CTNNA2: variants seen among roughly 807,000 people sequenced by gnomAD.
CTNNA2 encodes catenin alpha 2.
CTNNA2 carries 42 observed loss-of-function variants against 101.0 expected under a neutral mutation model. That is an observed-to-expected ratio of 0.42 (90% CI 0.32 to 0.54). The LOEUF (loss-of-function observed/expected upper bound fraction) is 0.54, where lower values mean the gene tolerates loss of function less well. CTNNA2 is among the 20% of genes least tolerant of loss of function. The pLI is 0.14. For missense variants in CTNNA2, 871 were observed against 1,223.1 expected (o/e 0.71, Z 4.29); for synonymous variants, 450 against 456.4 (o/e 0.99, Z 0.18).
At chr2:79,502,478 C>T (rs1671330940) in intron 4 of CTNNA2, among the ~76,000 whole-genome samples, 1 of 152,152 alleles carries the variant, frequency 6.6e-6, no homozygotes, top group Non-Finnish European at 1.5e-5. Flanking sequence ...ACATAACACT[C>T]CCTTCATTCA....
chr2:79,999,084 A>G lies in CTNNA2; in HGVS notation c.1056+89287A>G, dbSNP rs1432886007. 3.3e-5 allele frequency among the ~76,000 whole-genome samples: 5 copies of G among 151,918 alleles called. No homozygotes were observed. The East Asian group carries it at 9.7e-4, about 29-fold the overall frequency. On this transcript the variant is annotated intron_variant, in intron 7 of 18. Coordinates refer to ENST00000402739, the MANE Select transcript of CTNNA2 (RefSeq NM_001282597.3). ...TCTAATTCCATATTAAAAAAAAAAAAGACAAAAACATGAAGGACATCTGAG... is the reference window on the plus strand; with the variant it reads ...TCTAATTCCATATTAAAAAAAAAAAGGACAAAAACATGAAGGACATCTGAG...
chr2:79,760,944 C>CA (rs11404945), intron 3 of CTNNA2, among the ~76,000 whole-genome samples: 63,560 of 151,748 alleles, frequency 0.42, 14,417 homozygotes, highest in East Asian at 0.8. Context: ...TCAGGTTTGC[C>CA]AAAAGCCAAA....
At chr2:79,337,964 G>A (rs1677033171) in intron 3 of CTNNA2, among the ~76,000 whole-genome samples, 1 of 152,018 alleles carries the variant, frequency 6.6e-6, no homozygotes, top group African/African-American at 2.4e-5. Flanking sequence ...TGGTAGTCAG[G>A]GCCGGGCATG....
intron 1 of CTNNA2, among the ~76,000 whole-genome samples, chr2:79,564,967 T>C (rs769786534): frequency 6.6e-5 from 10 of 152,146 alleles, no homozygotes; most frequent in Non-Finnish European, 1.0e-4. Flanking sequence ...CTCAGTGAAA[T>C]AGTAAACTCC....
intron 8 of CTNNA2, among the ~76,000 whole-genome samples, chr2:80,418,715 C>T (rs1428032505): frequency 6.6e-6 from 1 of 152,132 alleles, no homozygotes; most frequent in Non-Finnish European, 1.5e-5. Flanking sequence ...ATCCCATATA[C>T]ATTCAGATAA....
chr2:79,443,604 G>A (rs1678799251), intron 4 of CTNNA2, among the ~76,000 whole-genome samples: 1 of 152,010 alleles, frequency 6.6e-6, no homozygotes, highest in Non-Finnish European at 1.5e-5. Flanking sequence ...ATCACAAGTA[G>A]GAAGAGATAA....
intron 9 of CTNNA2, among the ~76,000 whole-genome samples, chr2:80,539,129 G>T (rs1305931808): frequency 6.6e-6 from 1 of 152,006 alleles, no homozygotes. Flanking sequence ...AGCAATTCTT[G>T]TACCTCAGCC....
At chr2:79,347,345 T>C (rs1243548518) in intron 3 of CTNNA2, among the ~76,000 whole-genome samples, 1 of 152,182 alleles carries the variant, frequency 6.6e-6, no homozygotes, top group African/African-American at 2.4e-5. Flanking sequence ...ACAAGGTGAA[T>C]TACCTTGGGT....
intron 7 of CTNNA2, among the ~76,000 whole-genome samples, chr2:80,370,871 C>T (rs1358635913): frequency 3.9e-5 from 6 of 152,088 alleles, no homozygotes; most frequent in Non-Finnish European, 8.8e-5. Context: ...TTACATGACA[C>T]AAGAGGCTTC....
intron 3 of CTNNA2, among the ~76,000 whole-genome samples, chr2:79,775,692 A>T (rs934789531): frequency 6.6e-6 from 1 of 152,066 alleles, no homozygotes; most frequent in African/African-American, 2.4e-5. Flanking sequence ...ACATTAGGCC[A>T]TTTTTTTATG....
intron 7 of CTNNA2, among the ~76,000 whole-genome samples, chr2:80,056,583 C>G (rs1697228572): frequency 6.6e-6 from 1 of 152,184 alleles, no homozygotes; most frequent in Admixed American, 6.5e-5. Flanking sequence ...GGTTACCATA[C>G]CATAAACCAT....
intron 7 of CTNNA2, among the ~76,000 whole-genome samples, chr2:80,238,940 G>A (rs1356754542): frequency 6.6e-6 from 1 of 152,140 alleles, no homozygotes; most frequent in Non-Finnish European, 1.5e-5. Context: ...AATATAGTCC[G>A]TATTCACAAT....
At chr2:79,346,377 A>G (rs1301567738) in intron 3 of CTNNA2, among the ~76,000 whole-genome samples, 1 of 152,160 alleles carries the variant, frequency 6.6e-6, no homozygotes, top group Non-Finnish European at 1.5e-5. Flanking sequence ...TCAGCTATTC[A>G]TTCTTGACCT....
chr2:80,117,512 C>G (rs920648517), intron 7 of CTNNA2, among the ~76,000 whole-genome samples: 30 of 148,564 alleles, frequency 2.0e-4, no homozygotes, highest in Non-Finnish European at 4.5e-5. Context: ...GCAACTGATT[C>G]CAAAAATGAC....
intron 9 of CTNNA2, among the ~76,000 whole-genome samples, chr2:80,444,937 A>G (rs1313002486): frequency 6.6e-6 from 1 of 152,104 alleles, no homozygotes; most frequent in Non-Finnish European, 1.5e-5. Flanking sequence ...GCCTCTCCTC[A>G]CTAGATACCA....
intron 4 of CTNNA2, among the ~76,000 whole-genome samples, chr2:79,446,507 T>C (rs929069253): frequency 6.6e-6 from 1 of 152,094 alleles, no homozygotes. Flanking sequence ...AAATCTCTTC[T>C]TGCACAGGAG....
rs550422225 is a variant in CTNNA2 at position 79,817,316 on chromosome 2, C to CTTTT, written c.299-40674_299-40671dup. On this transcript the variant is annotated intron_variant, in intron 3 of 18. Coordinates refer to ENST00000402739, the MANE Select transcript of CTNNA2 (RefSeq NM_001282597.3). ...TGCAGAATAATGTATTTCTCTCTCA[C>CTTTT]TTTTTTTTTTTTTTTTTTTTTTTTT... Among the ~76,000 whole-genome samples the CTTTT allele has an allele frequency of 1.9e-4, 14 of 73,842 alleles. 1 individual carries two copies. Among genetic ancestry groups the CTTTT allele is most frequent in the African/African-American group, 2.8e-4 (6 of 21,220 alleles). 48.4% of individuals were successfully genotyped at this position (73,842 alleles called of 152,430 possible). A position where few individuals can be genotyped will look rare whatever the true frequency, so the allele number is the denominator to read the frequency against.
At chr2:79,436,786 C>G (rs1275816732) in intron 4 of CTNNA2, among the ~76,000 whole-genome samples, 6 of 152,042 alleles carry the variant, frequency 3.9e-5, no homozygotes, top group African/African-American at 1.4e-4. Flanking sequence ...CACCCGCCAC[C>G]AGGCCTGGCT....
chr2:80,624,572 C>A (rs908924807), intron 18 of CTNNA2, among the ~76,000 whole-genome samples: 3 of 151,962 alleles, frequency 2.0e-5, no homozygotes, highest in Admixed American at 2.0e-4. Flanking sequence ...TTCACAGCAA[C>A]AAGGATTGAT....
Sources: allele counts gnomAD v4.1 joint callset (sites outside exome capture counted in the v4.1 genomes callset), GRCh38; gene constraint gnomAD v4.1.1; transcripts MANE v1.5; gene names NCBI Gene and HGNC (gene_info 2026-07-23, HGNC 2026-07-21).